The following BMX variants were observed in gnomAD, a reference collection of about 807,000 sequenced individuals.
BMX encodes the protein cytoplasmic tyrosine-protein kinase BMX.
BMX carries 31 observed loss-of-function variants against 59.2 expected under a neutral mutation model. The ratio of observed to expected loss-of-function variants is 0.52; its 90% CI spans 0.39 to 0.71. The LOEUF is 0.71. BMX is among the 30% of genes least tolerant of loss of function. BMX has a pLI of 0.00. For missense variants in BMX, 474 were observed against 491.7 expected, an observed-to-expected ratio of 0.96 and a Z score of 0.34; for synonymous variants, 185 against 181.0, an observed-to-expected ratio of 1.02 and a Z score of -0.18.
intron 6 of BMX, among the ~76,000 whole-genome samples, chrX:15,520,571 C>T (rs1924397383): frequency 8.9e-6 from 1 of 111,916 alleles, no homozygotes; most frequent in African/African-American, 3.2e-5. Flanking sequence ...AGCCAGAAAC[C>T]ATTGCATCTA....
intron 3 of BMX, among the ~76,000 whole-genome samples, chrX:15,511,046 A>G (rs1242153515): frequency 8.9e-6 from 1 of 111,992 alleles, no homozygotes; most frequent in Non-Finnish European, 1.9e-5. Flanking sequence ...CCCTGAAGGT[A>G]TTTTTAAAGA....
intron 9 of BMX, among the ~76,000 whole-genome samples, chrX:15,527,283 T>TATATACATAC (rs1285065649): frequency 1.5e-5 from 1 of 65,867 alleles, no homozygotes; most frequent in Non-Finnish European, 2.7e-5. Flanking sequence ...TATATATATA[T>TATATACATAC]ACACACACAC....
intron 7 of BMX, among the ~76,000 whole-genome samples, chrX:15,523,731 T>C (rs1924580997): frequency 9.0e-6 from 1 of 111,705 alleles, no homozygotes; most frequent in Non-Finnish European, 1.9e-5. Context: ...CAGTGATTCA[T>C]TGAGAGAGGT....
chrX:15,554,510 G>A (rs1601675733), intron 18 of BMX, among the ~76,000 whole-genome samples: 1 of 110,301 alleles, frequency 9.1e-6, no homozygotes, highest in East Asian at 2.8e-4. Context: ...TTTGATTGAG[G>A]GTGGGTGGGT....
At position 15,534,284 on chromosome X, in the gene BMX, C is replaced by CT. The variant is rs1465847154; in HGVS notation, c.1093dup (p.Tyr365LeufsTer4). The CT allele has an allele frequency of 8.4e-7, 1 of 1,197,169 alleles. No homozygotes were observed. The highest frequency in any genetic ancestry group is 1.1e-6 in the Non-Finnish European group (1 of 888,066). On this transcript the variant is annotated frameshift_variant, in exon 12 of 19. Coordinates refer to ENST00000348343, the MANE Select transcript of BMX (RefSeq NM_203281.3). LOFTEE classifies it high-confidence loss of function. ...AGAACAAATTATACCTGGCAGAAAA[C>CT]TACTGTTTTGATTCCATTCCAAAGC...
Position 15,522,511 on chromosome X carries a change from T to C in BMX, c.676T>C (p.Ser226Pro). Residue 226 changes from serine (S) to proline (P), a missense_variant, in exon 7 of 19, where the codon TCC (serine) becomes CCC (proline). Ser to Pro is a moderately conservative substitution (Grantham distance 74). Coordinates refer to ENST00000348343, the MANE Select transcript of BMX (RefSeq NM_203281.3). The part of the protein sequence containing the change: ...YDSNSKKIYG[S>P]QPNFNMQYIP... The stretch of plus-strand genomic sequence containing the variant: ...CAGCAACTCAAAGAAAATCTATGGC[T>C]CCCAGCCAAACTTCAACATGCAGTA... The C allele has an allele frequency of 1.7e-6, 2 of 1,211,851 alleles. No individual in the cohort carries two copies. The highest frequency in any genetic ancestry group is 2.2e-6 in the Non-Finnish European group (2 of 895,461).
intron 9 of BMX, among the ~76,000 whole-genome samples, chrX:15,527,203 A>AAAC (rs1924787657): frequency 4.4e-5 from 4 of 91,544 alleles, no homozygotes; most frequent in Admixed American, 1.2e-4. Context: ...CAAAAAAAAA[A>AAAC]AAAAAAAAAA....
intron 13 of BMX, among the ~76,000 whole-genome samples, chrX:15,536,677 A>G (rs1341719242): frequency 9.0e-6 from 1 of 110,787 alleles, no homozygotes; most frequent in African/African-American, 3.3e-5. Flanking sequence ...ATTAGCCTCC[A>G]GCACACCATT....
Position 15,519,791 on chromosome X carries a change from T to A in BMX, c.510+1798T>A, listed in dbSNP as rs768255564. Among the ~76,000 whole-genome samples the A allele has an allele frequency of 1.7e-3, 194 of 111,073 alleles. 1 individual carries two copies. The highest frequency in any genetic ancestry group is 5.8e-3 in the African/African-American group (176 of 30,605). On this transcript the variant is annotated intron_variant, in intron 6 of 18. Coordinates refer to ENST00000348343, the MANE Select transcript of BMX (RefSeq NM_203281.3). ...GCTAGTGTGTGCAGAAATTGTATGG[T>A]GAGAGAGAAGAAACAAGAGAGAGGG...
chrX:15,555,201 CTTTTTTT>C (rs34118728), intron 18 of BMX, among the ~76,000 whole-genome samples: 2,601 of 41,632 alleles, frequency 0.062, 186 homozygotes, highest in African/African-American at 0.21. Context: ...ACGAGGGAAG[CTTTTTTT>C]TTTTTTTTTT....
intron 11 of BMX, among the ~76,000 whole-genome samples, chrX:15,532,816 T>G (rs1514285): frequency 0.034 from 3,864 of 112,564 alleles, 154 homozygotes; most frequent in African/African-American, 0.12. Context: ...TCTCATATAT[T>G]ATTTTGCACA....
chrX:15,534,604 T>A (rs1925247837), intron 12 of BMX, among the ~76,000 whole-genome samples: 2 of 111,157 alleles, frequency 1.8e-5, no homozygotes, highest in African/African-American at 3.3e-5. Context: ...TTCGTAGGGT[T>A]TTTCTGTGTA....
intron 15 of BMX, 137 bp downstream of exon 15, chrX:15,542,335 T>G: frequency 1.9e-6 from 1 of 540,139 alleles, no homozygotes; most frequent in Middle Eastern, 5.6e-4. Flanking sequence ...TTTAAGCAAA[T>G]GACATTTTTA....
At chrX:15,524,873 G>T (rs959123083) in intron 7 of BMX, among the ~76,000 whole-genome samples, 1 of 112,030 alleles carries the variant, frequency 8.9e-6, no homozygotes, top group African/African-American at 3.2e-5. Flanking sequence ...TGTCCAGAAG[G>T]AGTAAAAAGA....
At chrX:15,520,091 G>T (rs1310588247) in intron 6 of BMX, among the ~76,000 whole-genome samples, 2 of 112,160 alleles carry the variant, frequency 1.8e-5, no homozygotes, top group African/African-American at 6.5e-5. Context: ...AATAAGTATG[G>T]CAATGCTGAA....
intron 8 of BMX, 89 bp from the exon 9 acceptor site, chrX:15,525,953 T>C: frequency 5.1e-6 from 4 of 783,561 alleles, no homozygotes; most frequent in Non-Finnish European, 7.5e-6. Context: ...GTGGATAAAA[T>C]CAGGGTGGGA....
At position 15,537,218 on chromosome X, in the gene BMX, G is replaced by T; in HGVS notation, c.1307G>T (p.Trp436Leu). Reference protein sequence around the residue: ...GQFGVVQLGKWKGQYDVAVKM... With the variant: ...GQFGVVQLGKLKGQYDVAVKM... Reference sequence around the variant, plus strand: ...TTTGGAGTGGTCCAGCTGGGCAAGTGGAAGGGGCAGTATGATGTTGCTGTT... The same window carrying T: ...TTTGGAGTGGTCCAGCTGGGCAAGTTGAAGGGGCAGTATGATGTTGCTGTT... The change falls in exon 14 of 19, where the codon TGG becomes TTG. Residue 436 changes from tryptophan to leucine, a missense_variant. Coordinates refer to ENST00000348343, the MANE Select transcript of BMX (RefSeq NM_203281.3). 2.5e-6 allele frequency: 3 copies of T among 1,210,578 alleles called. No homozygotes were observed. Among genetic ancestry groups the T allele is most frequent in the Non-Finnish European group, 3.4e-6 (3 of 895,070 alleles).
chrX:15,513,572 C>T (rs1040908682), intron 4 of BMX, among the ~76,000 whole-genome samples: 3 of 111,727 alleles, frequency 2.7e-5, no homozygotes, highest in African/African-American at 9.8e-5. Flanking sequence ...TATTATTTGG[C>T]TCAAGCATTA....
At chrX:15,537,621 C>A (rs1297994836) in intron 14 of BMX, among the ~76,000 whole-genome samples, 2 of 111,395 alleles carry the variant, frequency 1.8e-5, no homozygotes, top group African/African-American at 6.5e-5. Flanking sequence ...CCCTCATACC[C>A]AACTCCGTCC....
Sources: allele counts gnomAD v4.1 joint callset (sites outside exome capture counted in the v4.1 genomes callset), GRCh38; gene constraint gnomAD v4.1.1; transcripts MANE v1.5; gene names NCBI Gene and HGNC (gene_info 2026-07-23, HGNC 2026-07-21).